Variants in EIF4H observed in about 807,000 individuals in gnomAD.
EIF4H encodes eukaryotic translation initiation factor 4H.
A neutral mutation model predicts 30.6 loss-of-function variants in EIF4H; 8 were observed. The ratio of observed to expected loss-of-function variants is 0.26; its 90% CI spans 0.15 to 0.47. EIF4H has a LOEUF of 0.47. Ranked by LOEUF, EIF4H falls within the 20% of genes least tolerant of loss-of-function variation. The probability of loss-of-function intolerance (pLI) is 0.99; values close to 1 mark genes in which losing one functional copy is unlikely to be tolerated. For synonymous variants in EIF4H, 106 were observed against 122.7 expected (o/e 0.86, Z 0.90); for missense variants, 188 against 339.5 (o/e 0.55, Z 3.51).
chr7:74,191,211 A>G (rs1205608474), intron 5 of EIF4H: 1 of 534,282 alleles, frequency 1.9e-6, no homozygotes, highest in Non-Finnish European at 3.8e-6. Context: ...CCAGTCAGAA[A>G]TGAGCTTATT....
intron 1 of EIF4H, chr7:74,183,895 A>T (rs1457422168): frequency 6.6e-6 from 1 of 152,340 alleles, no homozygotes; most frequent in African/African-American, 2.4e-5. Flanking sequence ...GCTGCCCCCT[A>T]GTGATTTCAT....
intron 1 of EIF4H, among the ~76,000 whole-genome samples, chr7:74,184,327 C>T (rs1242925104): frequency 1.3e-5 from 2 of 152,110 alleles, no homozygotes; most frequent in Non-Finnish European, 2.9e-5. Flanking sequence ...TCTGTAAGTT[C>T]GAGCACAATT....
intron 5 of EIF4H, among the ~76,000 whole-genome samples, chr7:74,191,730 C>G (rs1247893515): frequency 6.6e-6 from 1 of 152,128 alleles, no homozygotes; most frequent in Non-Finnish European, 1.5e-5. Flanking sequence ...AAAGAAAACT[C>G]TGAAGATTCT....
chr7:74,174,372 C>G lies in EIF4H; in HGVS notation c.-12C>G. 2.8e-6 allele frequency: 4 copies of G among 1,447,900 alleles called. No homozygotes were observed. The highest frequency in any genetic ancestry group is 3.7e-6 in the Non-Finnish European group (4 of 1,085,888). The allele number at this position is 1,447,900 out of a possible 1,614,324, so 89.7% of individuals were successfully genotyped here. A position where few individuals can be genotyped will look rare whatever the true frequency, so the allele number is the denominator to read the frequency against. On this transcript the variant is annotated 5_prime_UTR_variant, in exon 1 of 7. Coordinates refer to ENST00000265753, the MANE Select transcript of EIF4H (RefSeq NM_022170.2). The stretch of plus-strand genomic sequence containing the variant: ...TCGCTCACCCTGGTTCCTCTCGGAG[C>G]GGAGACGGCAAATGGCGGACTTCGA...
Position 74,176,871 on chromosome 7 carries a change from G to A in EIF4H, c.59+2429G>A, listed in dbSNP as rs2115929416. Among the ~76,000 whole-genome samples, 3 of 152,268 alleles carry A rather than the reference G, an allele frequency of 2.0e-5. No homozygotes were observed. In the South Asian group the frequency reaches 6.2e-4, roughly 32 times the overall value. On this transcript the variant is annotated intron_variant, in intron 1 of 6. Transcript: ENST00000265753. The stretch of plus-strand genomic sequence containing the variant: ...CCAGATCTTGAATGGACTTTGTTTT[G>A]CAGTTTGCTAAATTATCTTTTTGAG...
Position 74,189,922 on chromosome 7 carries a change from A to G in EIF4H, c.409+4A>G. ...AAAGGTGGACCAGATGACAGAGGTG[A>G]TTGGTTCTTCTAAAGCTGAACATCA... On this transcript the variant is annotated splice_donor_region_variant and intron_variant, in intron 4 of 6. Transcript: ENST00000265753. The G allele has an allele frequency of 6.2e-7, 1 of 1,613,880 alleles. No homozygotes were observed. Among genetic ancestry groups the G allele is most frequent in the Non-Finnish European group, 8.5e-7 (1 of 1,179,942 alleles).
chr7:74,194,270 T>A (rs1353410886), intron 5 of EIF4H, among the ~76,000 whole-genome samples: 1 of 152,184 alleles, frequency 6.6e-6, no homozygotes. Flanking sequence ...AATTGGGACT[T>A]TGTGTTTTTA....
chr7:74,189,621 A>G, intron 2 of EIF4H, 52 bp from the exon 3 acceptor site: 1 of 1,604,216 alleles, frequency 6.2e-7, no homozygotes, highest in South Asian at 1.1e-5. Context: ...ATCTTCCCAC[A>G]TCTTTAACCC....
At chr7:74,192,596 C>A (rs1381639530) in intron 5 of EIF4H, among the ~76,000 whole-genome samples, 1 of 149,980 alleles carries the variant, frequency 6.7e-6, no homozygotes, top group African/African-American at 2.5e-5. Context: ...TGAGCCCGTG[C>A]GGTGCTGCTC....
chr7:74,185,567 C>CT (rs1309793853), intron 1 of EIF4H, among the ~76,000 whole-genome samples: 2,069 of 145,740 alleles, frequency 0.014, 38 homozygotes, highest in African/African-American at 0.043. Flanking sequence ...AACTTAAAAG[C>CT]TTTTTTTTTT....
chr7:74,179,086 T>A (rs1800901728), intron 1 of EIF4H, among the ~76,000 whole-genome samples: 1 of 152,184 alleles, frequency 6.6e-6, no homozygotes, highest in African/African-American at 2.4e-5. Flanking sequence ...AATGTCTGGC[T>A]TAATAGAACA....
intron 1 of EIF4H, among the ~76,000 whole-genome samples, chr7:74,182,168 T>G (rs193088031): frequency 6.6e-6 from 1 of 152,314 alleles, no homozygotes; most frequent in Admixed American, 6.5e-5. Flanking sequence ...ATGCAAAACA[T>G]TACAGAAAAA....
At position 74,187,604 on chromosome 7, in the gene EIF4H, C is replaced by G; in HGVS notation, c.60-7C>G. 1.3e-6 allele frequency: 2 copies of G among 1,578,794 alleles called. No individual in the cohort carries two copies. The highest frequency in any genetic ancestry group is 1.7e-6 in the Non-Finnish European group (2 of 1,158,738). Reference sequence around the variant, plus strand: ...CACACTTGAATCCTGTTTGTCTCCCCTCCTAGGTCCCGCGGCAGTGCTGGT... The same window carrying G: ...CACACTTGAATCCTGTTTGTCTCCCGTCCTAGGTCCCGCGGCAGTGCTGGT... On this transcript the variant is annotated splice_region_variant and splice_polypyrimidine_tract_variant and intron_variant, in intron 1 of 6. Coordinates refer to ENST00000265753, the MANE Select transcript of EIF4H (RefSeq NM_022170.2).
chr7:74,190,946 T>C (rs1354124363), intron 5 of EIF4H, among the ~76,000 whole-genome samples: 1 of 152,296 alleles, frequency 6.6e-6, no homozygotes, highest in South Asian at 2.1e-4. Flanking sequence ...AAAACTTCAG[T>C]TGTAACCCAG....
rs1563956628 is a variant in EIF4H at position 74,195,245 on chromosome 7, C to A, written c.684C>A (p.Pro228=). ...CGCCCCTCAATCAAGTAGCCAATCC[C>A]AACTCTGCTATCTTCGGGGGTGCCA... ...VATPLNQVAN[P]NSAIFGGARP... Residue 228 remains proline (P), a synonymous_variant, in exon 7 of 7, where the codon CCC becomes CCA. Coordinates refer to ENST00000265753, the MANE Select transcript of EIF4H (RefSeq NM_022170.2). The A allele has an allele frequency of 3.7e-6, 6 of 1,613,872 alleles. No homozygotes were observed. Among genetic ancestry groups the A allele is most frequent in the Non-Finnish European group, 2.5e-6 (3 of 1,179,880 alleles).
intron 2 of EIF4H, among the ~76,000 whole-genome samples, chr7:74,188,322 G>A (rs1801134122): frequency 1.3e-5 from 2 of 152,200 alleles, no homozygotes; most frequent in Admixed American, 1.3e-4. Context: ...TCTGCAGGGT[G>A]CGGGAGCAAA....
intron 1 of EIF4H, among the ~76,000 whole-genome samples, chr7:74,185,370 G>C (rs1466466304): frequency 6.6e-6 from 1 of 152,140 alleles, no homozygotes; most frequent in African/African-American, 2.4e-5. Flanking sequence ...TATGATTTCG[G>C]AGATATCAGC....
At chr7:74,194,913 C>T (rs868981174) in intron 6 of EIF4H, 35 bp downstream of exon 6, 4 of 1,566,724 alleles carry the variant, frequency 2.6e-6, no homozygotes, top group Admixed American at 3.6e-5. Context: ...GGCATCTTGT[C>T]CTGATGGGAT....
At chr7:74,175,497 G>A (rs1554707530) in intron 1 of EIF4H, among the ~76,000 whole-genome samples, 1 of 152,126 alleles carries the variant, frequency 6.6e-6, no homozygotes, top group Non-Finnish European at 1.5e-5. Context: ...ACCTTGGTTT[G>A]GGAACGGCTC....
Sources: allele counts gnomAD v4.1 joint callset (sites outside exome capture counted in the v4.1 genomes callset), GRCh38; gene constraint gnomAD v4.1.1; transcripts MANE v1.5; gene names NCBI Gene and HGNC (gene_info 2026-07-23, HGNC 2026-07-21).